POU2F1: variants seen among roughly 807,000 people sequenced by gnomAD.
POU2F1 encodes the protein POU domain, class 2, transcription factor 1.
Under a neutral mutation model 84.9 loss-of-function variants are expected in POU2F1, and 16 were observed. That is an observed-to-expected ratio of 0.19 (90% confidence interval 0.13 to 0.29). The LOEUF (loss-of-function observed/expected upper bound fraction) is 0.29, where lower values mean the gene tolerates loss of function less well. Ranked by LOEUF, POU2F1 falls within the 10% of genes least tolerant of loss-of-function variation. The probability of loss-of-function intolerance (pLI) is 1.00; values close to 1 mark genes in which losing one functional copy is unlikely to be tolerated. For synonymous variants in POU2F1, 368 were observed against 368.3 expected, an observed-to-expected ratio of 1.00 and a Z score of 0.01; for missense variants, 738 against 942.6, an observed-to-expected ratio of 0.78 and a Z score of 2.84.
Position 167,414,843 on chromosome 1 carries a change from A to C in POU2F1, c.1991-657A>C. ...TGATACATAATTTATTTTAGAACTA[A>C]AGCCTTTTTGCAAGATGATTTTCAT... On this transcript the variant is annotated intron_variant, in intron 15 of 15. Coordinates refer to ENST00000367866, the MANE Select transcript of POU2F1 (RefSeq NM_002697.4). The C allele has an allele frequency of 4.5e-6, 3 of 666,010 alleles. No individual in the cohort carries two copies. The South Asian group carries it at 2.0e-4, about 44-fold the overall frequency. The allele number at this position is 666,010 out of a possible 1,614,324, so 41.3% of individuals were successfully genotyped here.
chr1:167,396,687 A>G (rs1396047044), intron 10 of POU2F1: 3 of 109,130 alleles, frequency 2.7e-5, no homozygotes, highest in Non-Finnish European at 3.2e-5. Context: ...AGGATTAGGA[A>G]CACACACACA....
chr1:167,241,022 A>G (rs1430587956), intron 1 of POU2F1, among the ~76,000 whole-genome samples: 2 of 152,084 alleles, frequency 1.3e-5, no homozygotes, highest in East Asian at 3.9e-4. Flanking sequence ...CGTGCCTGTA[A>G]TCCCAGCTAC....
rs1243750209 is a variant in POU2F1 at position 167,365,543 on chromosome 1, G to C, written c.204G>C (p.Gln68His). ...GAGCAATCTCAACAGCCCAGGCGCA[G>C]GCTTTCCTTGGACATCTCCATCAGG... Reference protein sequence around the residue: ...VGGAISTAQAQAFLGHLHQVQ... With the variant: ...VGGAISTAQAHAFLGHLHQVQ... Residue 68 changes from glutamine (Q) to histidine (H), a missense_variant, in exon 3 of 16, where the codon CAG (glutamine) becomes CAC (histidine). By Grantham distance (24) the Gln-to-His change is conservative. This residue lies in a region of POU2F1 where 161 missense variants were observed against 147.0 expected (regional missense o/e 1.10). Transcript: ENST00000367866. 1 of 1,600,004 alleles carries C rather than the reference G, an allele frequency of 6.2e-7. No homozygotes were observed. Among genetic ancestry groups the C allele is most frequent in the Admixed American group, 1.7e-5 (1 of 57,570 alleles).
chr1:167,281,018 A>G (rs35676680), intron 1 of POU2F1, among the ~76,000 whole-genome samples: 1,840 of 152,228 alleles, frequency 0.012, 14 homozygotes, highest in South Asian at 0.027. Context: ...CTCTCCACCA[A>G]AGCTAAGTAT....
chr1:167,336,454 C>T (rs1657455445), intron 2 of POU2F1, among the ~76,000 whole-genome samples: 1 of 152,098 alleles, frequency 6.6e-6, no homozygotes, highest in South Asian at 2.1e-4. Flanking sequence ...TAACCTAAAC[C>T]TTAAATAATG....
In POU2F1 at chr1:167,376,139, G is replaced by A. The variant is rs747729844; in HGVS notation, c.702G>A (p.Thr234=). The change falls in exon 7 of 16, where the codon ACG becomes ACA. Residue 234 remains threonine (T), a synonymous_variant. Coordinates refer to ENST00000367866, the MANE Select transcript of POU2F1 (RefSeq NM_002697.4). ...CAGCGCAGTTTATCATCTCACAGACGCCCCAGGGCCAGCAGGGTGAGCTCC... is the reference window on the plus strand; with the variant it reads ...CAGCGCAGTTTATCATCTCACAGACACCCCAGGGCCAGCAGGGTGAGCTCC... ...LQPAQFIISQ[T]PQGQQGLLQA... is the part of the protein sequence containing the mutation. The A allele has an allele frequency of 1.4e-5, 22 of 1,614,154 alleles. No homozygotes were observed. Among genetic ancestry groups the A allele is most frequent in the South Asian group, 3.3e-5 (3 of 91,074 alleles).
Position 167,416,189 on chromosome 1 carries a change from G to C in POU2F1, c.*379G>C. Reference sequence around the variant, plus strand: ...GCAGTCATGATGACAAGTTAAGGTGGGTTACCAATTCCAATATAGGAAGGG... The same window carrying C: ...GCAGTCATGATGACAAGTTAAGGTGCGTTACCAATTCCAATATAGGAAGGG... On this transcript the variant is annotated 3_prime_UTR_variant, in exon 16 of 16. Coordinates refer to ENST00000367866, the MANE Select transcript of POU2F1 (RefSeq NM_002697.4). 3.0e-6 allele frequency: 1 copy of C among 334,426 alleles called. No individual in the cohort carries two copies. Among genetic ancestry groups the C allele is most frequent in the Non-Finnish European group, 5.7e-6 (1 of 176,904 alleles). The allele number at this position is 334,426 out of a possible 1,614,324, so 20.7% of individuals were successfully genotyped here. A position where few individuals can be genotyped will look rare whatever the true frequency, so the allele number is the denominator to read the frequency against.
At chr1:167,401,304 T>C (rs557960734) in intron 12 of POU2F1, 147 bp from the exon 13 acceptor site, 14 of 521,282 alleles carry the variant, frequency 2.7e-5, no homozygotes, top group Non-Finnish European at 4.1e-5. Context: ...ATCTGTGATA[T>C]CAGTGAACAA....
chr1:167,289,384 A>G (rs1463854647), intron 1 of POU2F1, among the ~76,000 whole-genome samples: 1 of 152,236 alleles, frequency 6.6e-6, no homozygotes, highest in Non-Finnish European at 1.5e-5. Flanking sequence ...CAGAAACCAG[A>G]CAAGTGAACA....
intron 2 of POU2F1, among the ~76,000 whole-genome samples, chr1:167,356,997 A>G (rs569576599): frequency 6.6e-6 from 1 of 152,288 alleles, no homozygotes; most frequent in African/African-American, 2.4e-5. Flanking sequence ...CTTAATGCAC[A>G]TGCTCAAGAA....
At chr1:167,274,092 A>G (rs1359694867) in intron 1 of POU2F1, among the ~76,000 whole-genome samples, 37 of 152,228 alleles carry the variant, frequency 2.4e-4, no homozygotes, top group Admixed American at 2.4e-3. Flanking sequence ...CTTATTCCTT[A>G]TAATAGTTGA....
At chr1:167,360,781 G>A (rs531522267) in intron 2 of POU2F1, among the ~76,000 whole-genome samples, 1 of 151,970 alleles carries the variant, frequency 6.6e-6, no homozygotes, top group Admixed American at 6.5e-5. Flanking sequence ...AGATTGCTTT[G>A]GGCAGTATAG....
intron 1 of POU2F1, among the ~76,000 whole-genome samples, chr1:167,271,917 T>C (rs1267313971): frequency 6.6e-6 from 1 of 152,232 alleles, no homozygotes; most frequent in Non-Finnish European, 1.5e-5. Context: ...CATGACATTA[T>C]AATTATATGA....
At chr1:167,253,028 T>G (rs887697347) in intron 1 of POU2F1, among the ~76,000 whole-genome samples, 1 of 152,360 alleles carries the variant, frequency 6.6e-6, no homozygotes, top group African/African-American at 2.4e-5. Flanking sequence ...AAAAATGGCC[T>G]TCTTTTATCA....
intron 1 of POU2F1, among the ~76,000 whole-genome samples, chr1:167,324,023 C>T (rs1047747431): frequency 5.3e-5 from 8 of 151,748 alleles, no homozygotes; most frequent in Non-Finnish European, 1.0e-4. Flanking sequence ...CTATATAAAC[C>T]AAGGAAAAGA....
intron 1 of POU2F1, among the ~76,000 whole-genome samples, chr1:167,289,380 C>T (rs960885076): frequency 4.6e-5 from 7 of 152,120 alleles, no homozygotes; most frequent in African/African-American, 9.7e-5. Flanking sequence ...TAAACAGAAA[C>T]CAGACAAGTG....
At chr1:167,370,285 A>G in intron 4 of POU2F1, 71 bp downstream of exon 4, 1 of 1,253,572 alleles carries the variant, frequency 8.0e-7, no homozygotes, top group Non-Finnish European at 1.1e-6. Flanking sequence ...TAGTGAGCAT[A>G]TATTTTATAA....
At chr1:167,262,048 TAAG>T (rs1197787373) in intron 1 of POU2F1, among the ~76,000 whole-genome samples, 1 of 152,238 alleles carries the variant, frequency 6.6e-6, no homozygotes, top group Non-Finnish European at 1.5e-5. Flanking sequence ...TTCGTGTACC[TAAG>T]AATAGAACCT....
At chr1:167,336,812 T>TA (rs902811025) in intron 2 of POU2F1, among the ~76,000 whole-genome samples, 2 of 152,036 alleles carry the variant, frequency 1.3e-5, no homozygotes, top group African/African-American at 2.4e-5. Flanking sequence ...GCAGATTGCT[T>TA]AAGCCCAGGA....
Sources: allele counts gnomAD v4.1 joint callset (sites outside exome capture counted in the v4.1 genomes callset), GRCh38; gene constraint gnomAD v4.1.1; regional missense constraint gnomAD v4.1.1; transcripts MANE v1.5; gene names NCBI Gene and HGNC (gene_info 2026-07-23, HGNC 2026-07-21).